Variants in TTC4 observed in about 807,000 individuals in gnomAD.
TTC4 encodes tetratricopeptide repeat domain 4.
In TTC4, 36 loss-of-function variants were observed where a neutral mutation model predicts 51.9. The ratio of observed to expected loss-of-function variants is 0.69; its 90% CI spans 0.53 to 0.92. The LOEUF (loss-of-function observed/expected upper bound fraction) is 0.92. TTC4 is among the 40% of genes least tolerant of loss of function. TTC4 has a pLI of 0.00. For missense variants in TTC4, 399 were observed against 454.6 expected (o/e 0.88, Z 1.11); for synonymous variants, 144 against 164.2 (o/e 0.88, Z 0.94).
chr1:54,741,865 G>A lies in TTC4; in HGVS notation c.*352G>A, dbSNP rs17131750. ...AGTGACATGATTCTGAACTTTTGTG[G>A]AGTTTGACACCTTAGAGAAGCTACC... On this transcript the variant is annotated 3_prime_UTR_variant, in exon 10 of 10. Transcript: ENST00000371281. 0.096 allele frequency: 26,670 copies of A among 277,460 alleles called. 2,285 individuals carry two copies. Among genetic ancestry groups the A allele is most frequent in the African/African-American group, 0.26 (11,843 of 45,570 alleles). 17.2% of individuals were successfully genotyped at this position (277,460 alleles called of 1,614,324 possible).
rs1428856257 is a variant in TTC4, at chr1:54,742,594, GGTT to G, written c.*1083_*1085del. 1 of 152,234 alleles carries G rather than the reference GGTT, an allele frequency of 6.6e-6. No individual in the cohort carries two copies. The highest frequency in any genetic ancestry group is 2.4e-5 in the African/African-American group (1 of 41,446). The allele number at this position is 152,234 out of a possible 1,614,324, so 9.4% of individuals were successfully genotyped here. A position where few individuals can be genotyped will look rare whatever the true frequency, so the allele number is the denominator to read the frequency against. ...GCTGTAGTAAGCAGTGAGATTTAGG[GGTT>G]GGTTGTTACTATAGCAGAGCTAATA... On this transcript the variant is annotated 3_prime_UTR_variant, in exon 10 of 10. Transcript: ENST00000371281.
At position 54,715,993 on chromosome 1, in the gene TTC4, G is replaced by C; in HGVS notation, c.85G>C (p.Gly29Arg). ...GTTCCAGAGCCAGCCTTACCGTGGC[G>C]GCTTTCATGAGGACCAGTGGGAGAA... ...EKFQSQPYRG[G>R]FHEDQWEKEF... Residue 29 changes from glycine to arginine, a missense_variant, in exon 1 of 10, where the codon GGC (glycine) becomes CGC (arginine). By Grantham distance (125) the Gly-to-Arg change is moderately radical. Coordinates refer to ENST00000371281, the MANE Select transcript of TTC4 (RefSeq NM_004623.5). The C allele has an allele frequency of 6.3e-7, 1 of 1,597,110 alleles. No homozygotes were observed. The highest frequency in any genetic ancestry group is 2.3e-5 in the East Asian group (1 of 43,724).
chr1:54,734,219 G>A (rs961355212), intron 8 of TTC4, among the ~76,000 whole-genome samples: 2 of 151,830 alleles, frequency 1.3e-5, no homozygotes, highest in African/African-American at 2.4e-5. Flanking sequence ...TTATAGACGC[G>A]TGCCACCACA....
intron 5 of TTC4, 122 bp downstream of exon 5, chr1:54,722,921 C>CT (rs1267638745): frequency 7.6e-7 from 1 of 1,309,100 alleles, no homozygotes; most frequent in African/African-American, 1.5e-5. Context: ...GTCCCTACTC[C>CT]TGGAACTCTG....
chr1:54,728,752 TTC>T (rs1645830376), intron 6 of TTC4, among the ~76,000 whole-genome samples: 1 of 152,204 alleles, frequency 6.6e-6, no homozygotes, highest in South Asian at 2.1e-4. Context: ...CAGAACACAT[TTC>T]TGTTTGTGTC....
chr1:54,736,174 A>C (rs979558470), intron 8 of TTC4, among the ~76,000 whole-genome samples: 1 of 95,098 alleles, frequency 1.1e-5, no homozygotes, highest in Non-Finnish European at 2.0e-5. Flanking sequence ...AAAGAAAGAA[A>C]GGAGAGAGAG....
At chr1:54,727,936 A>G (rs1645821121) in intron 5 of TTC4, among the ~76,000 whole-genome samples, 3 of 152,204 alleles carry the variant, frequency 2.0e-5, no homozygotes, top group African/African-American at 4.8e-5. Context: ...AAACCATAGT[A>G]AGATACCATT....
intron 9 of TTC4, among the ~76,000 whole-genome samples, chr1:54,737,979 C>T (rs1288948139): frequency 6.6e-6 from 1 of 152,050 alleles, no homozygotes; most frequent in Admixed American, 6.5e-5. Context: ...CGGCTCACTG[C>T]AACCTCCACC....
At chr1:54,739,037 A>ATTTT (rs557597436) in intron 9 of TTC4, among the ~76,000 whole-genome samples, 2,447 of 144,512 alleles carry the variant, frequency 0.017, 91 homozygotes, top group East Asian at 0.14. Flanking sequence ...CTTATTTTGA[A>ATTTT]TTTTTTTTTT....
chr1:54,728,219 C>A, intron 5 of TTC4, 127 bp from the exon 6 acceptor site: 1 of 721,960 alleles, frequency 1.4e-6, no homozygotes, highest in Non-Finnish European at 2.2e-6. Context: ...TGAATCTGGC[C>A]ACTGGTATTC....
At chr1:54,716,798 A>T in intron 2 of TTC4, 81 bp downstream of exon 2, 1 of 1,137,952 alleles carries the variant, frequency 8.8e-7, no homozygotes, top group South Asian at 1.4e-5. Context: ...CTGATTGATA[A>T]CAAGAAGTAG....
At chr1:54,737,757 T>C in intron 9 of TTC4, 93 bp downstream of exon 9, 1 of 1,297,204 alleles carries the variant, frequency 7.7e-7, no homozygotes, top group South Asian at 1.3e-5. Flanking sequence ...CTGAGACTGG[T>C]CAGTTTATAA....
At chr1:54,729,845 C>G (rs140096933) in intron 6 of TTC4, among the ~76,000 whole-genome samples, 1 of 151,784 alleles carries the variant, frequency 6.6e-6, no homozygotes, top group Non-Finnish European at 1.5e-5. Flanking sequence ...TTCAGCCTCC[C>G]GAGTAGCTGG....
At chr1:54,738,955 C>T (rs1645980454) in intron 9 of TTC4, among the ~76,000 whole-genome samples, 2 of 152,078 alleles carry the variant, frequency 1.3e-5, no homozygotes, top group African/African-American at 4.8e-5. Context: ...GCCACTGCAC[C>T]CGGCCAGCCT....
rs1198854179 is a variant in TTC4, at chr1:54,731,661, C to T, written c.857C>T (p.Ala286Val). The T allele has an allele frequency of 6.2e-7, 1 of 1,614,088 alleles. No homozygotes were observed. Reference protein sequence around the residue: ...WPVLFLYPEYAQSDFISAFHE... With the variant: ...WPVLFLYPEYVQSDFISAFHE... ...GTGCTCTTTCTGTACCCAGAGTATG[C>T]CCAGTCGGACTTCATCTCTGCTTTT... Residue 286 changes from alanine (A) to valine (V), a missense_variant, in exon 7 of 10, where the codon GCC (alanine) becomes GTC (valine). Physicochemically the swap from Ala to Val is moderately conservative, Grantham distance 64 (BLOSUM62 0). Around this residue, in one of 3 missense-constraint regions of TTC4, gnomAD observed 316 missense variants for 349.6 expected, o/e 0.90. Transcript: ENST00000371281.
intron 8 of TTC4, 23 bp from the exon 9 acceptor site, chr1:54,737,559 T>C: frequency 1.2e-6 from 2 of 1,612,154 alleles, no homozygotes; most frequent in Non-Finnish European, 1.7e-6. Flanking sequence ...TCTCTGACTC[T>C]TGCCCTTCTG....
At chr1:54,736,188 G>GAGAA (rs1645932251) in intron 8 of TTC4, among the ~76,000 whole-genome samples, 1 of 37,186 alleles carries the variant, frequency 2.7e-5, no homozygotes, top group African/African-American at 1.1e-4. Flanking sequence ...GAGAGAGAGA[G>GAGAA]AGAGAGAGAG....
chr1:54,736,878 C>T (rs532450075), intron 8 of TTC4: 1 of 152,970 alleles, frequency 6.5e-6, no homozygotes, highest in South Asian at 2.1e-4. Context: ...ACATCCTCCT[C>T]ATCCTGCTTG....
intron 2 of TTC4, 67 bp downstream of exon 2, chr1:54,716,784 C>G (rs1645682069): frequency 7.9e-7 from 1 of 1,271,860 alleles, no homozygotes; most frequent in Admixed American, 2.1e-5. Flanking sequence ...GGGTTAGAAG[C>G]GTTCTGATTG....
Sources: allele counts gnomAD v4.1 joint callset (sites outside exome capture counted in the v4.1 genomes callset), GRCh38; gene constraint gnomAD v4.1.1; regional missense constraint gnomAD v4.1.1; transcripts MANE v1.5; gene names NCBI Gene and HGNC (gene_info 2026-07-23, HGNC 2026-07-21).